Variants in SGMS1 observed in about 807,000 individuals in gnomAD.
SGMS1 encodes the protein sphingomyelin synthase 1.
In SGMS1, 13 loss-of-function variants were observed where a neutral mutation model predicts 46.2. The ratio of observed to expected loss-of-function variants is 0.28; its 90% confidence interval spans 0.18 to 0.45. SGMS1 has a LOEUF of 0.45. Ranked by LOEUF, SGMS1 falls within the 20% of genes least tolerant of loss-of-function variation. SGMS1 has a pLI of 1.00. For synonymous variants in SGMS1, 203 were observed against 187.8 expected (o/e 1.08, Z -0.66); for missense variants, 324 against 519.9 (o/e 0.62, Z 3.66).
chr10:50,620,528 C>G (rs1028057940), intron 1 of SGMS1, among the ~76,000 whole-genome samples: 1 of 152,158 alleles, frequency 6.6e-6, no homozygotes, highest in South Asian at 2.1e-4. Flanking sequence ...ATAAAAATCA[C>G]CATTGATCAA....
intron 2 of SGMS1, among the ~76,000 whole-genome samples, chr10:50,536,773 T>C (rs912766920): frequency 2.6e-5 from 4 of 152,208 alleles, no homozygotes; most frequent in Non-Finnish European, 5.9e-5. Flanking sequence ...ATGAAAAATA[T>C]GAAAAACATG....
chr10:50,564,386 C>T (rs7916118), intron 2 of SGMS1, among the ~76,000 whole-genome samples: 1,736 of 152,240 alleles, frequency 0.011, 29 homozygotes, highest in African/African-American at 0.04. Context: ...CTTTAAACTG[C>T]GCGACATTGT....
intron 4 of SGMS1, among the ~76,000 whole-genome samples, chr10:50,464,353 T>A (rs1280837865): frequency 6.6e-6 from 1 of 152,112 alleles, no homozygotes; most frequent in Non-Finnish European, 1.5e-5. Flanking sequence ...AGCCAAGAAA[T>A]GCAGCCAGCA....
intron 1 of SGMS1, among the ~76,000 whole-genome samples, chr10:50,614,889 T>C (rs932331274): frequency 6.6e-6 from 1 of 152,184 alleles, no homozygotes; most frequent in Non-Finnish European, 1.5e-5. Context: ...CTCTTTGTCC[T>C]CAAAAAAGGT....
intron 1 of SGMS1, among the ~76,000 whole-genome samples, chr10:50,599,975 T>G (rs913719048): frequency 6.6e-6 from 1 of 152,234 alleles, no homozygotes; most frequent in Non-Finnish European, 1.5e-5. Flanking sequence ...ACTGACCAAC[T>G]GAAATATGAC....
intron 3 of SGMS1, among the ~76,000 whole-genome samples, chr10:50,500,059 T>C (rs1837648857): frequency 6.6e-6 from 1 of 152,124 alleles, no homozygotes; most frequent in Non-Finnish European, 1.5e-5. Context: ...TTCCAGCTAG[T>C]CAGGAGGCTG....
At chr10:50,577,880 G>A (rs1244555472) in intron 2 of SGMS1, among the ~76,000 whole-genome samples, 1 of 152,202 alleles carries the variant, frequency 6.6e-6, no homozygotes, top group Non-Finnish European at 1.5e-5. Context: ...ACAGAGCTGC[G>A]AAGCTTGTGA....
At chr10:50,501,815 G>A (rs935964731) in intron 3 of SGMS1, among the ~76,000 whole-genome samples, 3 of 152,042 alleles carry the variant, frequency 2.0e-5, no homozygotes, top group African/African-American at 7.2e-5. Context: ...AAAATTCATG[G>A]TATCATTGAA....
intron 1 of SGMS1, among the ~76,000 whole-genome samples, chr10:50,598,329 A>G (rs1481884267): frequency 6.6e-6 from 1 of 152,162 alleles, no homozygotes; most frequent in East Asian, 1.9e-4. Context: ...GCACCCTCGG[A>G]CTTCAAGTTT....
chr10:50,591,068 A>G (rs189636475), intron 1 of SGMS1, among the ~76,000 whole-genome samples: 12 of 152,260 alleles, frequency 7.9e-5, no homozygotes, highest in Admixed American at 5.2e-4. Context: ...CTCAACTACA[A>G]TACACACAAG....
At chr10:50,479,154 C>G (rs1837454653) in intron 3 of SGMS1, among the ~76,000 whole-genome samples, 1 of 151,916 alleles carries the variant, frequency 6.6e-6, no homozygotes, top group East Asian at 1.9e-4. Flanking sequence ...CTCCAGAACT[C>G]CAAGGACTAC....
At chr10:50,458,206 A>G (rs192177252) in intron 5 of SGMS1, among the ~76,000 whole-genome samples, 1 of 152,370 alleles carries the variant, frequency 6.6e-6, no homozygotes, top group African/African-American at 2.4e-5. Context: ...GCTAAACATA[A>G]GAAAATTCTT....
intron 2 of SGMS1, among the ~76,000 whole-genome samples, chr10:50,537,299 C>T (rs1838010619): frequency 6.6e-6 from 1 of 152,082 alleles, no homozygotes; most frequent in Non-Finnish European, 1.5e-5. Flanking sequence ...ACCTCCAAAT[C>T]TCAAACCCTC....
At chr10:50,325,232 G>A (rs1265412173) in intron 8 of SGMS1, among the ~76,000 whole-genome samples, 3 of 152,140 alleles carry the variant, frequency 2.0e-5, no homozygotes, top group Non-Finnish European at 4.4e-5. Context: ...GGGTTTATGG[G>A]AGTTCCTTAT....
intron 6 of SGMS1, among the ~76,000 whole-genome samples, chr10:50,363,034 T>TG (rs913123578): frequency 8.5e-5 from 13 of 152,148 alleles, no homozygotes; most frequent in Non-Finnish European, 1.5e-4. Context: ...ACATCTTTTT[T>TG]GGGGGGTGAA....
intron 5 of SGMS1, among the ~76,000 whole-genome samples, chr10:50,441,174 C>T (rs73332935): frequency 0.12 from 18,757 of 152,186 alleles, 2,480 homozygotes; most frequent in East Asian, 0.44. Flanking sequence ...ATAGTTCAGC[C>T]TTCTCTCCCA....
Position 50,498,867 on chromosome 10 carries a change from A to T in SGMS1, c.-498+20964T>A, listed in dbSNP as rs368740874. ...TGGATTATATGGTAGTTCTATTTTT[A>T]ATTTTTTTCAGGAACTGTCATATTG... On this transcript the variant is annotated intron_variant, in intron 3 of 10. Transcript: ENST00000361781. Among the ~76,000 whole-genome samples the T allele has an allele frequency of 4.1e-4, 63 of 152,208 alleles. 1 individual carries two copies. The East Asian group carries it at 8.5e-3, about 21-fold the overall frequency.
intron 5 of SGMS1, among the ~76,000 whole-genome samples, chr10:50,455,837 G>C (rs1837184447): frequency 6.6e-6 from 1 of 152,164 alleles, no homozygotes; most frequent in African/African-American, 2.4e-5. Flanking sequence ...TCTCCTGTTG[G>C]CCTTTAACAG....
chr10:50,370,742 T>TA (rs34960612), intron 6 of SGMS1, among the ~76,000 whole-genome samples: 71,516 of 134,722 alleles, frequency 0.53, 18,859 homozygotes, highest in Admixed American at 0.63. Context: ...TCCATCTCAA[T>TA]AAAAAAAAAA....
Sources: gnomAD v4.1 joint callset for allele counts (sites outside exome capture counted in the v4.1 genomes callset) on GRCh38, gnomAD v4.1.1 for gene constraint, MANE v1.5 for transcripts, NCBI Gene and HGNC (gene_info 2026-07-23, HGNC 2026-07-21) for gene names.